The following DNHD1 variants were observed in gnomAD, a reference collection of about 807,000 sequenced individuals.
DNHD1 encodes the protein dynein heavy chain domain-containing protein 1.
A neutral mutation model predicts 458.1 loss-of-function variants in DNHD1; 383 were observed. That is an observed-to-expected ratio of 0.84 (90% CI 0.77 to 0.91). DNHD1 has a LOEUF of 0.91. Ranked by LOEUF, DNHD1 falls within the 40% of genes least tolerant of loss-of-function variation. The pLI is 0.00. For synonymous variants in DNHD1, 2,203 were observed against 2,376.9 expected, an observed-to-expected ratio of 0.93 and a Z score of 2.13; for missense variants, 5,336 against 5,866.1, an observed-to-expected ratio of 0.91 and a Z score of 2.95.
rs1267601260 is a variant in DNHD1, at chr11:6,565,741, G to A, written c.10803G>A (p.Met3601Ile). Residue 3601 changes from methionine (M) to isoleucine (I), a missense_variant, in exon 33 of 43, where the codon ATG (methionine) becomes ATA (isoleucine). Transcript: ENST00000254579. The stretch of plus-strand genomic sequence containing the variant: ...AAAAGAGAGAGAGTAAAACGGACAT[G>A]AAAGAGGAAGATGATGAGAGTGAAG... Reference protein sequence around the residue: ...RNQKRESKTDMKEEDDESEES... With the variant: ...RNQKRESKTDIKEEDDESEES... 6.4e-7 allele frequency: 1 copy of A among 1,550,896 alleles called. No individual in the cohort carries two copies. Among genetic ancestry groups the A allele is most frequent in the African/African-American group, 1.4e-5 (1 of 72,932 alleles).
At chr11:6,507,474 G>C (rs2134372652) in intron 4 of DNHD1, among the ~76,000 whole-genome samples, 1 of 152,110 alleles carries the variant, frequency 6.6e-6, no homozygotes, top group Non-Finnish European at 1.5e-5. Flanking sequence ...TTATTTTTCA[G>C]TTTTCTTTAT....
chr11:6,554,156 G>T (rs1853415447), intron 24 of DNHD1, among the ~76,000 whole-genome samples: 1 of 152,142 alleles, frequency 6.6e-6, no homozygotes, highest in South Asian at 2.1e-4. Context: ...TAATGGAATA[G>T]AACAGAAAAT....
At chr11:6,519,043 A>G (rs958516927) in intron 7 of DNHD1, among the ~76,000 whole-genome samples, 2 of 152,140 alleles carry the variant, frequency 1.3e-5, no homozygotes, top group South Asian at 2.1e-4. Flanking sequence ...AGCAGCCTTT[A>G]TAGGCTGAGG....
rs1356820219 is a variant in DNHD1, at chr11:6,538,722, C to T, written c.3237C>T (p.Ile1079=). 8 of 1,549,802 alleles carry T rather than the reference C, an allele frequency of 5.2e-6. No individual in the cohort carries two copies. In the African/African-American group the frequency reaches 6.8e-5, roughly 13 times the overall value. Residue 1079 remains isoleucine, a synonymous_variant, in exon 16 of 43, where the codon ATC becomes ATT. Coordinates refer to ENST00000254579, the MANE Select transcript of DNHD1 (RefSeq NM_144666.3). The part of the protein sequence containing the change: ...HSPVLQHCMR[I]LGEFRSYLPL... The stretch of plus-strand genomic sequence containing the variant: ...CCGTGCTGCAGCACTGCATGCGCAT[C>T]CTGGGGGAGTTTCGCAGCTACCTGC...
chr11:6,547,781 A>C, intron 21 of DNHD1, 82 bp from the exon 22 acceptor site: 1 of 1,523,042 alleles, frequency 6.6e-7, no homozygotes. Context: ...AGTGAAAAGT[A>C]ATACTGTCAA....
intron 24 of DNHD1, among the ~76,000 whole-genome samples, chr11:6,550,446 T>C (rs182581821): frequency 3.9e-5 from 6 of 152,278 alleles, no homozygotes; most frequent in Admixed American, 2.0e-4. Flanking sequence ...TGAAGAATAT[T>C]ACTGCTGGCA....
Position 6,544,876 on chromosome 11 carries a change from G to A in DNHD1, c.3937G>A (p.Val1313Met). Reference sequence around the variant, plus strand: ...TGACCCCATGGTTCTGTCACTTGTAGTGCCCAGTGCCGAGAGGAGCCCTTA... The same window carrying A: ...TGACCCCATGGTTCTGTCACTTGTAATGCCCAGTGCCGAGAGGAGCCCTTA... ...VADPMVLSLV[V>M]PSAERSPYFQ... Residue 1313 changes from valine (V) to methionine (M), a missense_variant, in exon 21 of 43, where the codon GTG (valine) becomes ATG (methionine). This residue lies in a region of DNHD1 where 3,932 missense variants were observed against 4,365.6 expected (regional missense o/e 0.90). Coordinates refer to ENST00000254579, the MANE Select transcript of DNHD1 (RefSeq NM_144666.3). The A allele has an allele frequency of 6.4e-7, 1 of 1,551,664 alleles. No individual in the cohort carries two copies. The highest frequency in any genetic ancestry group is 8.7e-7 in the Non-Finnish European group (1 of 1,146,984).
intron 2 of DNHD1, 49 bp downstream of exon 2, chr11:6,497,716 T>C (rs1852056140): frequency 6.2e-6 from 1 of 160,950 alleles, no homozygotes; most frequent in Non-Finnish European, 1.4e-5. Context: ...GTGGCTATGA[T>C]TAGGGTGAGC....
At chr11:6,562,031 G>A (rs533831528) in intron 28 of DNHD1, among the ~76,000 whole-genome samples, 1 of 152,322 alleles carries the variant, frequency 6.6e-6, no homozygotes, top group South Asian at 2.1e-4. Flanking sequence ...AATAAAAGGA[G>A]GGAAGTAAGA....
At position 6,570,844 on chromosome 11, in the gene DNHD1, G is replaced by C. The variant is rs757367778; in HGVS notation, c.13332G>C (p.Val4444=). 2.5e-6 allele frequency: 4 copies of C among 1,614,046 alleles called. No individual in the cohort carries two copies. Among genetic ancestry groups the C allele is most frequent in the South Asian group, 1.1e-5 (1 of 91,088 alleles). ...LAERRLRQRL[V]QVNRRLESLQ... is the part of the protein sequence containing the mutation. ...AAAGGCGACTGCGGCAACGCCTAGT[G>C]CAAGTCAACCGGAGGCTGGAGTCAC... is the stretch of plus-strand genomic sequence containing the variant. Residue 4444 remains valine (V), a synonymous_variant, in exon 42 of 43, where the codon GTG becomes GTC. Transcript: ENST00000254579.
In DNHD1 at chr11:6,505,636, C is replaced by T. The variant is rs1015135478; in HGVS notation, c.920+2710C>T. Among the ~76,000 whole-genome samples the T allele has an allele frequency of 1.3e-5, 2 of 152,160 alleles. No individual in the cohort carries two copies. Among genetic ancestry groups the T allele is most frequent in the African/African-American group, 2.4e-5 (1 of 41,442 alleles). On this transcript the variant is annotated intron_variant, in intron 4 of 42. Transcript: ENST00000254579. This position sits in a 1 kb window ranked among gnomAD's most constrained non-coding sequence, Gnocchi z 4.4. The stretch of plus-strand genomic sequence containing the variant: ...TATGGTTTCTGTTTTACTGACTGGA[C>T]CCTGACTAACACGGTACTTGGTATT...
chr11:6,529,836 T>C (rs1247254301), intron 12 of DNHD1, among the ~76,000 whole-genome samples: 1 of 152,182 alleles, frequency 6.6e-6, no homozygotes, highest in Admixed American at 6.5e-5. Flanking sequence ...CTTGGACTAA[T>C]AGGGACCTGG....
intron 3 of DNHD1, among the ~76,000 whole-genome samples, chr11:6,501,408 TAAG>T (rs1852133752): frequency 6.6e-6 from 1 of 151,574 alleles, no homozygotes; most frequent in South Asian, 2.1e-4. Flanking sequence ...TAGACTAAGG[TAAG>T]AAGAAGAGTA....
Position 6,570,817 on chromosome 11 carries a change from G to C in DNHD1, c.13305G>C (p.Ala4435=), listed in dbSNP as rs769619061. Residue 4435 remains alanine (A), a synonymous_variant, in exon 42 of 43, where the codon GCG becomes GCC. Transcript: ENST00000254579. ...VPESRRGAQL[A]ERRLRQRLVQ... Reference sequence around the variant, plus strand: ...AGTCTCGAAGAGGCGCCCAGCTTGCGGAAAGGCGACTGCGGCAACGCCTAG... The same window carrying C: ...AGTCTCGAAGAGGCGCCCAGCTTGCCGAAAGGCGACTGCGGCAACGCCTAG... The C allele has an allele frequency of 5.0e-6, 8 of 1,613,840 alleles. No homozygotes were observed. Among genetic ancestry groups the C allele is most frequent in the Non-Finnish European group, 5.9e-6 (7 of 1,179,860 alleles).
intron 28 of DNHD1, among the ~76,000 whole-genome samples, 172 bp from the exon 29 acceptor site, chr11:6,562,810 G>A (rs1306423032): frequency 6.6e-6 from 1 of 152,142 alleles, no homozygotes; most frequent in Admixed American, 6.5e-5. Flanking sequence ...ATAACTCACA[G>A]ACTAATAAGT....
intron 14 of DNHD1, among the ~76,000 whole-genome samples, chr11:6,536,791 T>TATC (rs1314549506): frequency 7.9e-5 from 12 of 152,274 alleles, no homozygotes; most frequent in African/African-American, 2.9e-4. Flanking sequence ...TTGGAGATGA[T>TATC]ATCTCTGCTC....
Position 6,545,976 on chromosome 11 carries a change from G to A in DNHD1, c.5037G>A (p.Glu1679=). The change falls in exon 21 of 43, where the codon GAG becomes GAA. Residue 1679 remains glutamate, a synonymous_variant. Coordinates refer to ENST00000254579, the MANE Select transcript of DNHD1 (RefSeq NM_144666.3). The surrounding 1 kb of genome is among the most constrained non-coding windows in gnomAD (Gnocchi z 4.9). The part of the protein sequence containing the change: ...PALVLLLALE[E]VACGTVLGPN... ...TGGTACTATTATTGGCCCTAGAGGA[G>A]GTGGCCTGTGGGACCGTACTGGGTC... 1 of 1,551,794 alleles carries A rather than the reference G, an allele frequency of 6.4e-7. No homozygotes were observed. Among genetic ancestry groups the A allele is most frequent in the Non-Finnish European group, 8.7e-7 (1 of 1,147,006 alleles).
chr11:6,558,799 C>A, intron 26 of DNHD1, 103 bp from the exon 27 acceptor site: 1 of 1,499,326 alleles, frequency 6.7e-7, no homozygotes, highest in Non-Finnish European at 9.0e-7. Flanking sequence ...TACAGAGCCC[C>A]CTTCACATTT....
chr11:6,555,380 G>A (rs1321311827), intron 24 of DNHD1, among the ~76,000 whole-genome samples: 2 of 152,182 alleles, frequency 1.3e-5, no homozygotes, highest in Non-Finnish European at 2.9e-5. Context: ...TATTGAATTT[G>A]TCCTTCTATC....
Sources: allele counts gnomAD v4.1 joint callset (sites outside exome capture counted in the v4.1 genomes callset), GRCh38; gene constraint gnomAD v4.1.1; regional missense constraint gnomAD v4.1.1; non-coding constraint Gnocchi (gnomAD v3.1); transcripts MANE v1.5; gene names NCBI Gene and HGNC (gene_info 2026-07-23, HGNC 2026-07-21).